CAMTA1: variants seen among roughly 807,000 people sequenced by gnomAD.
The protein encoded by CAMTA1 is calmodulin binding transcription activator 1.
A neutral mutation model predicts 170.9 loss-of-function variants in CAMTA1; 27 were observed. The ratio of observed to expected loss-of-function variants is 0.16; its 90% CI spans 0.12 to 0.22. The LOEUF is 0.22. Among genes scored for constraint, CAMTA1 ranks in the 10% least tolerant of loss-of-function variants. The probability of loss-of-function intolerance (pLI) is 1.00; values close to 1 mark genes in which losing one functional copy is unlikely to be tolerated. For missense variants in CAMTA1, 1,619 were observed against 2,217.2 expected, an observed-to-expected ratio of 0.73 and a Z score of 5.42; for synonymous variants, 833 against 891.5, an observed-to-expected ratio of 0.93 and a Z score of 1.17.
intron 5 of CAMTA1, among the ~76,000 whole-genome samples, chr1:7,453,540 A>G (rs1418013549): frequency 6.6e-6 from 1 of 152,202 alleles, no homozygotes; most frequent in Non-Finnish European, 1.5e-5. Flanking sequence ...ACTATGCTGG[A>G]ACCCCCAGCT....
intron 3 of CAMTA1, among the ~76,000 whole-genome samples, chr1:6,924,634 A>T (rs1194415860): frequency 1.3e-5 from 2 of 152,212 alleles, no homozygotes; most frequent in Non-Finnish European, 2.9e-5. Context: ...CAGCCGCTTT[A>T]TTCCTGGTGA....
intron 3 of CAMTA1, among the ~76,000 whole-genome samples, chr1:7,046,437 G>C (rs1035223459): frequency 1.3e-5 from 2 of 152,212 alleles, no homozygotes; most frequent in Non-Finnish European, 2.9e-5. Context: ...TGCCACATGG[G>C]AGCTGTCCGT....
chr1:7,277,683 A>C (rs1670936097), intron 5 of CAMTA1, among the ~76,000 whole-genome samples: 1 of 152,146 alleles, frequency 6.6e-6, no homozygotes, highest in South Asian at 2.1e-4. Flanking sequence ...AGAAGACTTC[A>C]GATAGTAGAT....
chr1:7,098,102 TGTGTGTGTGTGTGTGTGTGCAC>T (rs1642287504), intron 4 of CAMTA1, among the ~76,000 whole-genome samples: 1 of 151,032 alleles, frequency 6.6e-6, no homozygotes, highest in Non-Finnish European at 1.5e-5. Flanking sequence ...GGACGAATTG[TGTGTGTGTGTGTGTGTGTGCAC>T]GTGCGCGTGC....
At chr1:7,501,254 A>G (rs980437744) in intron 6 of CAMTA1, among the ~76,000 whole-genome samples, 2 of 152,084 alleles carry the variant, frequency 1.3e-5, no homozygotes, top group Non-Finnish European at 2.9e-5. Flanking sequence ...GAAAAGTCCA[A>G]CAGAAGGGCG....
intron 1 of CAMTA1, among the ~76,000 whole-genome samples, chr1:6,789,715 T>G (rs557858356): frequency 6.6e-6 from 1 of 152,226 alleles, no homozygotes; most frequent in South Asian, 2.1e-4. Context: ...GCTTCTGTTA[T>G]GTACAAGGAG....
At chr1:7,760,928 G>A (rs766423586) in intron 22 of CAMTA1, among the ~76,000 whole-genome samples, 5 of 152,138 alleles carry the variant, frequency 3.3e-5, no homozygotes, top group South Asian at 2.1e-4. Context: ...TTTGCCTTAC[G>A]CTTTACCCAT....
rs568029861 is a variant in CAMTA1 at position 6,886,358 on chromosome 1, T to C, written c.234+61148T>C. The C allele has an allele frequency of 4.1e-5, 18 of 441,612 alleles. No individual in the cohort carries two copies. In the East Asian group the frequency reaches 8.4e-4, roughly 21 times the overall value. The allele number at this position is 441,612 out of a possible 1,614,324, so 27.4% of individuals were successfully genotyped here. A position where few individuals can be genotyped will look rare whatever the true frequency, so the allele number is the denominator to read the frequency against. On this transcript the variant is annotated intron_variant, in intron 3 of 22. Transcript: ENST00000303635. ...ATGTTAAAAAAAATGTAATTGACAT[T>C]TGATTGCCTTGAAATCTTCAATTTG...
intron 4 of CAMTA1, among the ~76,000 whole-genome samples, chr1:7,220,530 A>G (rs980212177): frequency 2.6e-5 from 4 of 151,734 alleles, no homozygotes; most frequent in Non-Finnish European, 4.4e-5. Flanking sequence ...CTCCTCCGAG[A>G]CCACTGCTGA....
At chr1:7,383,169 C>G (rs2087540119) in intron 5 of CAMTA1, among the ~76,000 whole-genome samples, 1 of 152,190 alleles carries the variant, frequency 6.6e-6, no homozygotes, top group Non-Finnish European at 1.5e-5. Context: ...GGTCGTAACC[C>G]TGCAGGGCTT....
intron 6 of CAMTA1, among the ~76,000 whole-genome samples, chr1:7,522,683 G>A (rs557186022): frequency 6.6e-6 from 1 of 152,262 alleles, no homozygotes; most frequent in East Asian, 1.9e-4. Flanking sequence ...GGTTCCTTTT[G>A]TTTCTGGGGT....
chr1:7,242,337 G>T (rs913635330), intron 4 of CAMTA1, among the ~76,000 whole-genome samples: 3 of 152,198 alleles, frequency 2.0e-5, no homozygotes, highest in Admixed American at 6.5e-5. Context: ...TAGTGGGAAT[G>T]AATGGAAAAT....
chr1:7,250,465 G>A (rs1171603829), intron 5 of CAMTA1, among the ~76,000 whole-genome samples: 1 of 152,200 alleles, frequency 6.6e-6, no homozygotes, highest in African/African-American at 2.4e-5. Flanking sequence ...CTGAGAAGCT[G>A]GCTCGTGATC....
chr1:7,556,511 A>G (rs2094880057), intron 6 of CAMTA1, among the ~76,000 whole-genome samples: 1 of 152,196 alleles, frequency 6.6e-6, no homozygotes, highest in Non-Finnish European at 1.5e-5. Context: ...GCTAGCAATA[A>G]TGATCCTCAT....
chr1:6,875,804 G>A (rs866567115), intron 3 of CAMTA1, among the ~76,000 whole-genome samples: 32 of 152,304 alleles, frequency 2.1e-4, no homozygotes, highest in African/African-American at 7.2e-4. Flanking sequence ...CCCATCCCAA[G>A]ACTCTTGTTC....
intron 4 of CAMTA1, among the ~76,000 whole-genome samples, chr1:7,205,413 A>G (rs1657552433): frequency 6.6e-6 from 1 of 152,164 alleles, no homozygotes; most frequent in Admixed American, 6.5e-5. Context: ...TCCAACTACT[A>G]TTATTGAATG....
At chr1:7,615,009 C>T (rs573212017) in intron 6 of CAMTA1, among the ~76,000 whole-genome samples, 4 of 152,264 alleles carry the variant, frequency 2.6e-5, no homozygotes, top group Non-Finnish European at 5.9e-5. Flanking sequence ...CTCCACACAC[C>T]TACAAAGAGA....
chr1:7,199,809 A>G (rs1204497590), intron 4 of CAMTA1, among the ~76,000 whole-genome samples: 3 of 152,236 alleles, frequency 2.0e-5, no homozygotes, highest in Non-Finnish European at 2.9e-5. Flanking sequence ...TTCTAGATAT[A>G]CAAAAAGATA....
rs143853062 is a variant in CAMTA1, at chr1:6,887,498, C to T, written c.234+62288C>T. On this transcript the variant is annotated intron_variant, in intron 3 of 22. Transcript: ENST00000303635. This position sits in a 1 kb window ranked among gnomAD's most constrained non-coding sequence, Gnocchi z 4.1. ...TGGGGGTAGATACATACCTGTTCATCTGTATACGTATGTGTGTGTTTAATA... is the reference window on the plus strand; with the variant it reads ...TGGGGGTAGATACATACCTGTTCATTTGTATACGTATGTGTGTGTTTAATA... 2.0e-5 allele frequency among the ~76,000 whole-genome samples: 3 copies of T among 152,272 alleles called. No homozygotes were observed. The highest frequency in any genetic ancestry group is 4.8e-5 in the African/African-American group (2 of 41,544).
Sources: allele counts gnomAD v4.1 joint callset (sites outside exome capture counted in the v4.1 genomes callset), GRCh38; gene constraint gnomAD v4.1.1; non-coding constraint Gnocchi (gnomAD v3.1); transcripts MANE v1.5; gene names NCBI Gene and HGNC (gene_info 2026-07-23, HGNC 2026-07-21).